The following CDK7 variants were observed in gnomAD, a reference collection of about 807,000 sequenced individuals.
CDK7 encodes the protein cyclin dependent kinase 7.
A neutral mutation model predicts 49.1 loss-of-function variants in CDK7; 25 were observed. The observed-to-expected ratio is 0.51, with a 90% CI of 0.37 to 0.71. The LOEUF is 0.71. Among genes scored for constraint, CDK7 ranks in the 30% least tolerant of loss-of-function variants. The pLI is 0.00. For missense variants in CDK7, 316 were observed against 411.7 expected (o/e 0.77, Z 2.01); for synonymous variants, 107 against 140.0 (o/e 0.76, Z 1.67).
intron 2 of CDK7, chr5:69,250,677 CA>C (rs1045421312): frequency 4.4e-6 from 2 of 456,008 alleles, no homozygotes; most frequent in African/African-American, 2.0e-5. Flanking sequence ...TTCCCCAGGG[CA>C]ACCAAGCTGG....
intron 2 of CDK7, among the ~76,000 whole-genome samples, chr5:69,246,517 C>T (rs1749767093): frequency 1.3e-5 from 2 of 152,124 alleles, no homozygotes; most frequent in African/African-American, 2.4e-5. Context: ...ACTTGAAGAA[C>T]ATGTGTCCAA....
At chr5:69,245,268 C>T (rs1003587205) in intron 2 of CDK7, among the ~76,000 whole-genome samples, 5 of 140,708 alleles carry the variant, frequency 3.6e-5, no homozygotes, top group African/African-American at 1.3e-4. Context: ...CCCTCCCCTC[C>T]CCCGTCCTCC....
At chr5:69,248,626 G>A (rs778165087) in intron 2 of CDK7, among the ~76,000 whole-genome samples, 7 of 151,974 alleles carry the variant, frequency 4.6e-5, no homozygotes, top group Non-Finnish European at 1.0e-4. Flanking sequence ...TACCTCAGGT[G>A]ACCCACCCTC....
At chr5:69,244,753 A>G (rs1424601279) in intron 2 of CDK7, among the ~76,000 whole-genome samples, 2 of 151,882 alleles carry the variant, frequency 1.3e-5, no homozygotes, top group Admixed American at 6.6e-5. Context: ...GAAAGTGGGC[A>G]TTCTTGGTGT....
chr5:69,248,295 T>C (rs960105629), intron 2 of CDK7, among the ~76,000 whole-genome samples: 1 of 152,206 alleles, frequency 6.6e-6, no homozygotes, highest in Non-Finnish European at 1.5e-5. Flanking sequence ...TACTGAAAAG[T>C]CTGCTGCCAG....
intron 2 of CDK7, among the ~76,000 whole-genome samples, chr5:69,241,407 G>A (rs181451800): frequency 1.4e-5 from 2 of 138,148 alleles, no homozygotes; most frequent in East Asian, 2.4e-4. Flanking sequence ...TGCAACCTCC[G>A]CCTCCTGGGT....
intron 2 of CDK7, chr5:69,250,809 C>T (rs1277458186): frequency 4.4e-6 from 2 of 456,574 alleles, no homozygotes; most frequent in Non-Finnish European, 8.8e-6. Flanking sequence ...CAATATGTCT[C>T]GGAGTTTCAC....
chr5:69,276,879 C>G (rs1192055748), intron 11 of CDK7, among the ~76,000 whole-genome samples, 189 bp downstream of exon 11: 1 of 152,252 alleles, frequency 6.6e-6, no homozygotes. Context: ...AATACTTCGG[C>G]AGCTTTTGTG....
At chr5:69,238,680 A>G (rs1207330268) in intron 2 of CDK7, among the ~76,000 whole-genome samples, 6 of 148,814 alleles carry the variant, frequency 4.0e-5, no homozygotes, top group Non-Finnish European at 8.9e-5. Flanking sequence ...TTTTTGAGAC[A>G]AGGTCCCACT....
chr5:69,250,290 TA>T (rs1750053009), intron 2 of CDK7, among the ~76,000 whole-genome samples: 1 of 152,220 alleles, frequency 6.6e-6, no homozygotes, highest in African/African-American at 2.4e-5. Context: ...GTATCTGCAT[TA>T]GGGGGTACCC....
chr5:69,268,529 A>C lies in CDK7; in HGVS notation c.628-678A>C, dbSNP rs556875658. On this transcript the variant is annotated intron_variant, in intron 8 of 11. Transcript: ENST00000256443. The stretch of plus-strand genomic sequence containing the variant: ...AGAGTTTTTAAGTTTTTCTTATTAA[A>C]TTTATAGTATTTGTCTAACAGGTAT... Among the ~76,000 whole-genome samples, 5 of 152,294 alleles carry C rather than the reference A, an allele frequency of 3.3e-5. No homozygotes were observed. In the East Asian group the frequency reaches 9.6e-4, roughly 29 times the overall value.
At chr5:69,246,396 A>G (rs901815916) in intron 2 of CDK7, among the ~76,000 whole-genome samples, 5 of 152,074 alleles carry the variant, frequency 3.3e-5, no homozygotes, top group African/African-American at 1.2e-4. Flanking sequence ...CCGCCTTCCA[A>G]AGTCCTGGGA....
chr5:69,262,373 G>A, intron 8 of CDK7, 69 bp downstream of exon 8: 1 of 1,607,134 alleles, frequency 6.2e-7, no homozygotes, highest in Non-Finnish European at 8.5e-7. Context: ...GTTTGTATAA[G>A]AATTCTTGTC....
chr5:69,242,772 G>T (rs1005172337), intron 2 of CDK7, among the ~76,000 whole-genome samples: 1 of 152,114 alleles, frequency 6.6e-6, no homozygotes, highest in Non-Finnish European at 1.5e-5. Context: ...AGGGCCAGGC[G>T]CAGTGGCTCA....
At chr5:69,242,659 T>A (rs1237029124) in intron 2 of CDK7, among the ~76,000 whole-genome samples, 2 of 152,222 alleles carry the variant, frequency 1.3e-5, no homozygotes, top group Non-Finnish European at 2.9e-5. Context: ...GGACTGTTAA[T>A]CATCTTTGTT....
intron 2 of CDK7, among the ~76,000 whole-genome samples, chr5:69,251,756 C>A (rs1750161164): frequency 6.6e-6 from 1 of 152,182 alleles, no homozygotes; most frequent in Non-Finnish European, 1.5e-5. Context: ...TGGTCTTAAA[C>A]TCCTGGGATC....
intron 10 of CDK7, among the ~76,000 whole-genome samples, chr5:69,275,009 A>C (rs896976695): frequency 6.7e-6 from 1 of 149,794 alleles, no homozygotes; most frequent in African/African-American, 2.5e-5. Context: ...GGTTGCAGTG[A>C]GCCAAGATTG....
chr5:69,274,723 C>G (rs1165418429), intron 10 of CDK7, among the ~76,000 whole-genome samples: 1 of 151,970 alleles, frequency 6.6e-6, no homozygotes, highest in Non-Finnish European at 1.5e-5. Context: ...ACAAGCGATT[C>G]TCCTGTCTCA....
rs770453713 is a variant in CDK7 at position 69,234,959 on chromosome 5, G to A, written c.-17G>A. On this transcript the variant is annotated 5_prime_UTR_variant, in exon 1 of 12. Transcript: ENST00000256443. Reference sequence around the variant, plus strand: ...GAGCTCGCCCTTTTCGGCTGGAGTCGGGCTTTACGGCGCCGGATGGCTCTG... The same window carrying A: ...GAGCTCGCCCTTTTCGGCTGGAGTCAGGCTTTACGGCGCCGGATGGCTCTG... 17 of 1,585,628 alleles carry A rather than the reference G, an allele frequency of 1.1e-5. No individual in the cohort carries two copies. The highest frequency in any genetic ancestry group is 1.4e-5 in the Non-Finnish European group (16 of 1,166,176).
Sources: gnomAD v4.1 joint callset for allele counts (sites outside exome capture counted in the v4.1 genomes callset) on GRCh38, gnomAD v4.1.1 for gene constraint, MANE v1.5 for transcripts, NCBI Gene and HGNC (gene_info 2026-07-23, HGNC 2026-07-21) for gene names.